Variants in HEATR4 observed in about 807,000 individuals in gnomAD.
The protein encoded by HEATR4 is HEAT repeat containing 4.
HEATR4 carries 95 observed loss-of-function variants against 108.8 expected under a neutral mutation model. That is an observed-to-expected ratio of 0.87 (90% CI 0.74 to 1.04). HEATR4 has a LOEUF of 1.04. Among genes scored for constraint, HEATR4 ranks in the 50% least tolerant of loss-of-function variants. The pLI, the probability that HEATR4 is intolerant of heterozygous loss-of-function variation, is 0.00. For missense variants in HEATR4, 1,152 were observed against 1,253.8 expected, an observed-to-expected ratio of 0.92 and a Z score of 1.23; for synonymous variants, 443 against 459.4, an observed-to-expected ratio of 0.96 and a Z score of 0.46.
the HEATR4 span, among the ~76,000 whole-genome samples, chr14:73,576,866 GTTTT>G: frequency 4.3e-5 from 3 of 70,530 alleles, no homozygotes; most frequent in African/African-American, 1.5e-4. Context: ...CAATAAACTT[GTTTT>G]TTTTTTAAAC....
chr14:73,569,844 C>T, the HEATR4 span: 5 of 1,604,476 alleles, frequency 3.1e-6, no homozygotes, highest in South Asian at 1.1e-5. Flanking sequence ...CGAGCCGGTG[C>T]GCGTGGGCCG....
At chr14:73,618,297 C>T in the HEATR4 span, among the ~76,000 whole-genome samples, 5 of 152,202 alleles carry the variant, frequency 3.3e-5, no homozygotes, top group Admixed American at 3.3e-4. Context: ...CCCACAACCC[C>T]TAGTGCTCTT....
chr14:73,504,003 TG>T (rs1886649226), intron 10 of HEATR4, among the ~76,000 whole-genome samples: 1 of 152,146 alleles, frequency 6.6e-6, no homozygotes, highest in Non-Finnish European at 1.5e-5. Flanking sequence ...ACAAATGAAT[TG>T]GAAGTTGTTA....
chr14:73,578,708 C>A, the HEATR4 span, among the ~76,000 whole-genome samples: 1 of 151,882 alleles, frequency 6.6e-6, no homozygotes, highest in Non-Finnish European at 1.5e-5. Context: ...AATCCCAGCA[C>A]TTTGGGAGGC....
chr14:73,555,216 A>G (rs1889377203), intron 1 of HEATR4, among the ~76,000 whole-genome samples: 1 of 111,626 alleles, frequency 9.0e-6, no homozygotes, highest in African/African-American at 2.9e-5. Context: ...TATAATAATC[A>G]AACTCTCAAA....
intron 10 of HEATR4, among the ~76,000 whole-genome samples, chr14:73,504,995 G>A (rs1259314261): frequency 2.0e-5 from 3 of 151,870 alleles, no homozygotes; most frequent in South Asian, 4.2e-4. Flanking sequence ...GCAGTGGCAC[G>A]ATCTTGGCTC....
In HEATR4 at chr14:73,532,825, G is replaced by A. The variant is rs545659418; in HGVS notation, c.-151-2581C>T. Among the ~76,000 whole-genome samples, 36 of 112,916 alleles carry A rather than the reference G, an allele frequency of 3.2e-4. 14 individuals are homozygous for A. The East Asian group carries it at 0.021, about 67-fold the overall frequency. The allele number at this position is 112,916 out of a possible 152,430, so 74.1% of individuals were successfully genotyped here. On this transcript the variant is annotated intron_variant, in intron 1 of 17. Coordinates refer to ENST00000553558, the MANE Select transcript of HEATR4 (RefSeq NM_001220484.1). ...AAAAAAATTAGCCGGGTGTGGTGGT[G>A]GGCACCTGTAGTCCCAGCTACTTGG...
intron 17 of HEATR4, among the ~76,000 whole-genome samples, chr14:73,485,165 A>G (rs1300646226): frequency 6.6e-6 from 1 of 152,102 alleles, no homozygotes; most frequent in African/African-American, 2.4e-5. Context: ...CTCTGTCTCA[A>G]AAAAGAAAAA....
chr14:73,615,525 GT>G, the HEATR4 span, among the ~76,000 whole-genome samples: 7 of 151,586 alleles, frequency 4.6e-5, no homozygotes, highest in Non-Finnish European at 1.0e-4. Context: ...GAGGTCAGGA[GT>G]TTGAGACCAG....
At chr14:73,570,556 G>T in the HEATR4 span, among the ~76,000 whole-genome samples, 14 of 146,014 alleles carry the variant, frequency 9.6e-5, no homozygotes, top group African/African-American at 3.0e-4. Flanking sequence ...GCGACAGAGC[G>T]AGACTCCGTC....
At chr14:73,569,498 C>G in the HEATR4 span, 2 of 1,611,252 alleles carry the variant, frequency 1.2e-6, no homozygotes, top group South Asian at 2.2e-5. Flanking sequence ...TCGCCGTGCG[C>G]GGCCTAGCCC....
intron 5 of HEATR4, among the ~76,000 whole-genome samples, chr14:73,514,527 C>T (rs1229588751): frequency 3.9e-5 from 6 of 152,096 alleles, no homozygotes; most frequent in Non-Finnish European, 8.8e-5. Context: ...CTTTAGGAAC[C>T]TAAATCTTTA....
chr14:73,556,416 ACTT>A lies in HEATR4; in HGVS notation c.-152+2332_-152+2334del, dbSNP rs1335278562. On this transcript the variant is annotated intron_variant, in intron 1 of 17. Coordinates refer to ENST00000553558, the MANE Select transcript of HEATR4 (RefSeq NM_001220484.1). ...CTCCAGGCTGGGTGACAAGAGTGAA[ACTT>A]CTTCTCAAAAAAAAAAAACAAAAAA... is the stretch of plus-strand genomic sequence containing the variant. Among the ~76,000 whole-genome samples the A allele has an allele frequency of 4.6e-5, 5 of 109,802 alleles. 1 individual carries two copies. Among genetic ancestry groups the A allele is most frequent in the Admixed American group, 1.0e-4 (1 of 9,690 alleles). 72.0% of individuals were successfully genotyped at this position (109,802 alleles called of 152,430 possible).
Position 73,550,309 on chromosome 14 carries a change from C to T in HEATR4, c.-152+8442G>A, listed in dbSNP as rs1319594443. Among the ~76,000 whole-genome samples, 6 of 111,966 alleles carry T rather than the reference C, an allele frequency of 5.4e-5. 1 individual carries two copies. Among genetic ancestry groups the T allele is most frequent in the African/African-American group, 8.8e-5 (3 of 34,060 alleles). 73.5% of individuals were successfully genotyped at this position (111,966 alleles called of 152,430 possible). A position where few individuals can be genotyped will look rare whatever the true frequency, so the allele number is the denominator to read the frequency against. ...AGTCAACACAGTGAGCCTCAGCATT[C>T]GCATTGTCATTGCGCTCATTCAAGC... On this transcript the variant is annotated intron_variant, in intron 1 of 17. Transcript: ENST00000553558.
chr14:73,601,903 G>T, the HEATR4 span, among the ~76,000 whole-genome samples: 3 of 150,788 alleles, frequency 2.0e-5, no homozygotes, highest in African/African-American at 7.3e-5. Context: ...TATTTCTGTG[G>T]TCTACAATAA....
At chr14:73,630,765 T>G in the HEATR4 span, among the ~76,000 whole-genome samples, 1 of 152,252 alleles carries the variant, frequency 6.6e-6, no homozygotes, top group Admixed American at 6.5e-5. Context: ...AAAGGAGTTC[T>G]GGTTTCTATG....
chr14:73,497,632 CTT>C (rs796930642), intron 14 of HEATR4, among the ~76,000 whole-genome samples: 1 of 146,356 alleles, frequency 6.8e-6, no homozygotes, highest in African/African-American at 2.5e-5. Flanking sequence ...AAAACCCATC[CTT>C]TTTTTTTTTG....
At chr14:73,525,884 CA>C (rs1286294448) in intron 2 of HEATR4, among the ~76,000 whole-genome samples, 2 of 151,082 alleles carry the variant, frequency 1.3e-5, no homozygotes, top group Admixed American at 1.3e-4. Context: ...ACCTGGGAAG[CA>C]GAGGTTGCAG....
chr14:73,483,940 C>T (rs146468891), intron 17 of HEATR4, among the ~76,000 whole-genome samples: 253 of 151,942 alleles, frequency 1.7e-3, no homozygotes, highest in African/African-American at 5.7e-3. Context: ...CTGCAACCTC[C>T]GCCTCTCAGG....
Sources: allele counts gnomAD v4.1 joint callset (sites outside exome capture counted in the v4.1 genomes callset), GRCh38; gene constraint gnomAD v4.1.1; transcripts MANE v1.5; gene names NCBI Gene and HGNC (gene_info 2026-07-23, HGNC 2026-07-21).